The following MGAT4C variants were observed in gnomAD, a reference collection of about 807,000 sequenced individuals.
MGAT4C encodes MGAT4 family member C.
In MGAT4C, 19 loss-of-function variants were observed where a neutral mutation model predicts 40.1. The observed-to-expected ratio is 0.47, with a 90% CI of 0.33 to 0.70. The LOEUF (loss-of-function observed/expected upper bound fraction) is 0.70, where lower values mean the gene tolerates loss of function less well. Ranked by LOEUF, MGAT4C falls within the 30% of genes least tolerant of loss-of-function variation. The pLI is 0.02. For missense variants in MGAT4C, 491 were observed against 563.2 expected, an observed-to-expected ratio of 0.87 and a Z score of 1.30; for synonymous variants, 181 against 187.1, an observed-to-expected ratio of 0.97 and a Z score of 0.27.
intron 2 of MGAT4C, among the ~76,000 whole-genome samples, chr12:86,593,447 C>T (rs1263078935): frequency 6.6e-6 from 1 of 151,854 alleles, no homozygotes; most frequent in Non-Finnish European, 1.5e-5. Context: ...TTTTCCAATG[C>T]CAAGGGTTGA....
Position 86,088,646 on chromosome 12 carries a change from C to T in MGAT4C, c.-56-38923G>A, listed in dbSNP as rs538337980. Among the ~76,000 whole-genome samples, 190 of 152,052 alleles carry T rather than the reference C, an allele frequency of 1.2e-3. 2 individuals are homozygous for T. Among genetic ancestry groups the T allele is most frequent in the Admixed American group, 2.7e-3 (41 of 15,240 alleles). Reference sequence around the variant, plus strand: ...TGGGAAAATGCTCAACATCCCTAAACATTAGAGAAATGAAAATCAAAACGG... The same window carrying T: ...TGGGAAAATGCTCAACATCCCTAAATATTAGAGAAATGAAAATCAAAACGG... On this transcript the variant is annotated intron_variant, in intron 1 of 4. Coordinates refer to ENST00000611864, the MANE Select transcript of MGAT4C (RefSeq NM_001351288.2).
chr12:86,502,008 T>C (rs765012009), intron 2 of MGAT4C, among the ~76,000 whole-genome samples: 18 of 152,104 alleles, frequency 1.2e-4, no homozygotes, highest in Admixed American at 3.9e-4. Flanking sequence ...TCAGAAAAGA[T>C]TGACAAATTG....
chr12:86,428,097 T>C (rs1208631198), intron 3 of MGAT4C, among the ~76,000 whole-genome samples: 1 of 152,116 alleles, frequency 6.6e-6, no homozygotes, highest in Non-Finnish European at 1.5e-5. Context: ...AAAATCATTG[T>C]CTCAAATTAA....
At chr12:86,057,750 T>C (rs985856044) in intron 1 of MGAT4C, among the ~76,000 whole-genome samples, 1 of 152,166 alleles carries the variant, frequency 6.6e-6, no homozygotes, top group African/African-American at 2.4e-5. Flanking sequence ...GTGTTTGGAA[T>C]ACAGTAGATC....
intron 1 of MGAT4C, among the ~76,000 whole-genome samples, chr12:86,095,624 G>C (rs1318051588): frequency 2.7e-5 from 4 of 150,140 alleles, no homozygotes; most frequent in African/African-American, 7.3e-5. Flanking sequence ...TTTGAGTAGA[G>C]AGGACTATTT....
intron 2 of MGAT4C, among the ~76,000 whole-genome samples, chr12:86,503,459 T>C (rs1344526016): frequency 1.1e-4 from 1 of 9,024 alleles, no homozygotes; most frequent in Non-Finnish European, 1.6e-4. Flanking sequence ...CATATATATA[T>C]ATATGAGTTC....
At position 86,253,318 on chromosome 12, in the gene MGAT4C, C is replaced by T. The variant is rs528188834; in HGVS notation, c.-57+2921G>A. ...CAAGAGAAGTGACTGATTAGATAACCGGCTGTATTAAGGGAGGGAGGGAGA... is the reference window on the plus strand; with the variant it reads ...CAAGAGAAGTGACTGATTAGATAACTGGCTGTATTAAGGGAGGGAGGGAGA... On this transcript the variant is annotated intron_variant, in intron 1 of 4. Coordinates refer to ENST00000611864, the MANE Select transcript of MGAT4C (RefSeq NM_001351288.2). Among the ~76,000 whole-genome samples, 18 of 151,408 alleles carry T rather than the reference C, an allele frequency of 1.2e-4. No homozygotes were observed. In the South Asian group the frequency reaches 3.1e-3, roughly 26 times the overall value.
chr12:86,074,664 A>C (rs7297449), intron 1 of MGAT4C, among the ~76,000 whole-genome samples: 86,628 of 151,846 alleles, frequency 0.57, 25,559 homozygotes, highest in East Asian at 0.92. Context: ...TGGGTAATTT[A>C]TAAAGAAAAA....
At chr12:86,160,489 G>A (rs1355971938) in intron 1 of MGAT4C, among the ~76,000 whole-genome samples, 1 of 151,994 alleles carries the variant, frequency 6.6e-6, no homozygotes, top group Non-Finnish European at 1.5e-5. Context: ...TGCTTTATGA[G>A]CGAGCATGTG....
chr12:86,534,431 C>T (rs1274189607), intron 2 of MGAT4C, among the ~76,000 whole-genome samples: 1 of 152,094 alleles, frequency 6.6e-6, no homozygotes, highest in Non-Finnish European at 1.5e-5. Flanking sequence ...CCTGTAACTT[C>T]TGTCCCCATA....
At chr12:86,097,480 T>C (rs142057597) in intron 1 of MGAT4C, among the ~76,000 whole-genome samples, 1 of 151,586 alleles carries the variant, frequency 6.6e-6, no homozygotes, top group Admixed American at 6.6e-5. Context: ...CTTTTCAATA[T>C]CACATTTTTA....
intron 1 of MGAT4C, among the ~76,000 whole-genome samples, chr12:86,199,386 A>G (rs75440243): frequency 1.3e-5 from 2 of 151,780 alleles, no homozygotes; most frequent in Non-Finnish European, 2.9e-5. Flanking sequence ...TAGGGGAAAA[A>G]GTAGAATTTT....
chr12:86,816,066 C>T (rs1952600523), intron 1 of MGAT4C, among the ~76,000 whole-genome samples: 1 of 151,806 alleles, frequency 6.6e-6, no homozygotes, highest in Admixed American at 6.6e-5. Flanking sequence ...TCTTTATTTT[C>T]CTGACCATGT....
chr12:86,565,997 C>T (rs778081506), intron 2 of MGAT4C, among the ~76,000 whole-genome samples: 1 of 152,126 alleles, frequency 6.6e-6, no homozygotes, highest in African/African-American at 2.4e-5. Context: ...CAGCACTGAG[C>T]CCTCAATATG....
intron 1 of MGAT4C, among the ~76,000 whole-genome samples, chr12:86,212,745 A>T (rs1266782109): frequency 9.5e-6 from 1 of 105,598 alleles, no homozygotes; most frequent in East Asian, 2.8e-4. Flanking sequence ...AAAAAAAATT[A>T]GCCGGGCGTA....
intron 2 of MGAT4C, among the ~76,000 whole-genome samples, chr12:86,581,998 GTGT>G (rs903925039): frequency 2.0e-5 from 3 of 151,394 alleles, no homozygotes; most frequent in African/African-American, 7.3e-5. Flanking sequence ...GGATATTCTG[GTGT>G]AAGTATCTAT....
At chr12:86,137,155 T>C (rs907309865) in intron 1 of MGAT4C, among the ~76,000 whole-genome samples, 2 of 152,176 alleles carry the variant, frequency 1.3e-5, no homozygotes, top group Non-Finnish European at 2.9e-5. Flanking sequence ...AATGAATTAT[T>C]TTCAGCATCC....
intron 2 of MGAT4C, among the ~76,000 whole-genome samples, chr12:86,674,310 G>A (rs2136568347): frequency 6.6e-6 from 1 of 152,064 alleles, no homozygotes; most frequent in East Asian, 1.9e-4. Flanking sequence ...TTTTCTTCCA[G>A]AAATTCTTGG....
chr12:86,611,501 C>T (rs888717397), intron 2 of MGAT4C, among the ~76,000 whole-genome samples: 6 of 83,036 alleles, frequency 7.2e-5, no homozygotes, highest in African/African-American at 2.5e-4. Flanking sequence ...TAGATAGATA[C>T]ATGTTTGTAT....
Sources: gnomAD v4.1 joint callset for allele counts (sites outside exome capture counted in the v4.1 genomes callset) on GRCh38, gnomAD v4.1.1 for gene constraint, MANE v1.5 for transcripts, NCBI Gene and HGNC (gene_info 2026-07-23, HGNC 2026-07-21) for gene names.